The following KCNIP4 variants were observed in gnomAD, a reference collection of about 807,000 sequenced individuals.
The protein encoded by KCNIP4 is Kv channel-interacting protein 4.
A neutral mutation model predicts 34.0 loss-of-function variants in KCNIP4; 12 were observed. The observed-to-expected ratio is 0.35, with a 90% CI of 0.23 to 0.57. KCNIP4 has a LOEUF of 0.57. Among genes scored for constraint, KCNIP4 ranks in the 20% least tolerant of loss-of-function variants. KCNIP4 has a pLI of 0.83. For synonymous variants in KCNIP4, 124 were observed against 102.2 expected (o/e 1.21, Z -1.29); for missense variants, 238 against 311.7 (o/e 0.76, Z 1.78).
At chr4:21,835,265 C>T (rs1409802127) in intron 1 of KCNIP4, among the ~76,000 whole-genome samples, 3 of 151,922 alleles carry the variant, frequency 2.0e-5, no homozygotes, top group Admixed American at 6.6e-5. Context: ...CAACAGAAGG[C>T]TACTTACACT....
intron 1 of KCNIP4, among the ~76,000 whole-genome samples, chr4:21,106,725 G>A (rs1748579479): frequency 6.6e-6 from 1 of 151,272 alleles, no homozygotes; most frequent in South Asian, 2.1e-4. Context: ...GCTTTCTCTT[G>A]TGGGCATTTA....
chr4:21,591,468 A>G (rs1742215145), intron 1 of KCNIP4, among the ~76,000 whole-genome samples: 1 of 152,076 alleles, frequency 6.6e-6, no homozygotes. Flanking sequence ...GTAAATTAAA[A>G]AAACTGAAAA....
At chr4:20,820,536 AAAG>A (rs1421420482) in intron 3 of KCNIP4, among the ~76,000 whole-genome samples, 9 of 152,212 alleles carry the variant, frequency 5.9e-5, no homozygotes, top group African/African-American at 2.2e-4. Flanking sequence ...GCCAGATTGT[AAAG>A]AATAAAAAGG....
At chr4:21,861,786 A>T in intron 1 of KCNIP4, among the ~76,000 whole-genome samples, 1 of 151,916 alleles carries the variant, frequency 6.6e-6, no homozygotes, top group East Asian at 1.9e-4. Context: ...TCTTCCAACT[A>T]TTGTTCTTCC....
At chr4:20,810,143 G>A (rs1353881198) in intron 3 of KCNIP4, among the ~76,000 whole-genome samples, 3 of 152,192 alleles carry the variant, frequency 2.0e-5, no homozygotes, top group Non-Finnish European at 4.4e-5. Flanking sequence ...GACAGTTCAG[G>A]ACTTGAAACA....
At chr4:20,984,071 G>A in intron 1 of KCNIP4, 3 of 1,339,182 alleles carry the variant, frequency 2.2e-6, no homozygotes, top group Admixed American at 2.7e-5. Context: ...CTGCAAAGCC[G>A]GCGGCCCCCC....
intron 1 of KCNIP4, among the ~76,000 whole-genome samples, chr4:20,984,426 T>C (rs569947273): frequency 6.6e-6 from 1 of 152,238 alleles, no homozygotes; most frequent in Non-Finnish European, 1.5e-5. Flanking sequence ...TGCTCTCTCC[T>C]CCCAGAGCCG....
intron 1 of KCNIP4, among the ~76,000 whole-genome samples, chr4:21,151,406 A>ATTTTTTTT (rs35983306): frequency 1.2e-4 from 6 of 51,318 alleles, no homozygotes; most frequent in Non-Finnish European, 1.3e-4. Context: ...ACAAAAGACA[A>ATTTTTTTT]TTTTTTTTTT....
chr4:21,212,981 G>A (rs569561614), intron 1 of KCNIP4, among the ~76,000 whole-genome samples: 1 of 152,270 alleles, frequency 6.6e-6, no homozygotes, highest in African/African-American at 2.4e-5. Flanking sequence ...AGGTGATTAG[G>A]AGAAAACATT....
intron 1 of KCNIP4, among the ~76,000 whole-genome samples, chr4:21,001,795 A>G (rs1400139732): frequency 6.6e-6 from 1 of 152,158 alleles, no homozygotes; most frequent in African/African-American, 2.4e-5. Context: ...TTTTGCACAC[A>G]ATTTATTGGT....
At chr4:20,878,444 C>T (rs1308274824) in intron 2 of KCNIP4, among the ~76,000 whole-genome samples, 3 of 152,152 alleles carry the variant, frequency 2.0e-5, no homozygotes, top group Non-Finnish European at 4.4e-5. Flanking sequence ...TTCTCTGAGC[C>T]AATCAAGATA....
intron 1 of KCNIP4, among the ~76,000 whole-genome samples, chr4:21,621,099 G>A (rs937280640): frequency 6.6e-6 from 1 of 152,154 alleles, no homozygotes; most frequent in African/African-American, 2.4e-5. Flanking sequence ...GATGTGAAGT[G>A]AGCCAAGCAA....
chr4:20,862,910 C>T (rs1722363066), intron 2 of KCNIP4, among the ~76,000 whole-genome samples: 1 of 152,000 alleles, frequency 6.6e-6, no homozygotes, highest in Non-Finnish European at 1.5e-5. Flanking sequence ...TAATTGGGAG[C>T]TAAAATATAA....
chr4:21,112,038 T>C (rs146943410), intron 1 of KCNIP4, among the ~76,000 whole-genome samples: 69 of 145,614 alleles, frequency 4.7e-4, no homozygotes, highest in Middle Eastern at 6.9e-3. Context: ...TCTATCTATC[T>C]ATCTATCTAT....
intron 1 of KCNIP4, among the ~76,000 whole-genome samples, chr4:21,235,423 T>A (rs1759286260): frequency 6.6e-6 from 1 of 152,124 alleles, no homozygotes; most frequent in African/African-American, 2.4e-5. Flanking sequence ...TGTCAAACAT[T>A]TGGCGAGTGC....
intron 3 of KCNIP4, among the ~76,000 whole-genome samples, chr4:20,763,009 C>A (rs1755075218): frequency 6.6e-6 from 1 of 152,100 alleles, no homozygotes; most frequent in Non-Finnish European, 1.5e-5. Context: ...ACCATCATAA[C>A]TCATGAGAAC....
At chr4:21,751,156 T>C (rs1380845524) in intron 1 of KCNIP4, among the ~76,000 whole-genome samples, 2 of 152,148 alleles carry the variant, frequency 1.3e-5, no homozygotes, top group African/African-American at 2.4e-5. Context: ...AAACATCCCC[T>C]TTCTCAAACA....
intron 1 of KCNIP4, among the ~76,000 whole-genome samples, chr4:21,205,331 T>G (rs933998217): frequency 5.3e-5 from 8 of 152,224 alleles, no homozygotes; most frequent in African/African-American, 1.9e-4. Context: ...ATATAGAAAG[T>G]TCTGTCATGA....
intron 3 of KCNIP4, among the ~76,000 whole-genome samples, chr4:20,805,327 C>T (rs1011488821): frequency 1.3e-5 from 2 of 151,208 alleles, no homozygotes; most frequent in Non-Finnish European, 2.9e-5. Flanking sequence ...TAAGCCACTG[C>T]ACCTTTCTGC....
Sources: gnomAD v4.1 joint callset for allele counts (sites outside exome capture counted in the v4.1 genomes callset) on GRCh38, gnomAD v4.1.1 for gene constraint, MANE v1.5 for transcripts, NCBI Gene and HGNC (gene_info 2026-07-23, HGNC 2026-07-21) for gene names.